AFF2: variants seen among roughly 807,000 people sequenced by gnomAD.
AFF2 encodes AF4/FMR2 family member 2.
A neutral mutation model predicts 76.9 loss-of-function variants in AFF2; 14 were observed. That is an observed-to-expected ratio of 0.18 (90% confidence interval 0.12 to 0.28). The LOEUF (loss-of-function observed/expected upper bound fraction) is 0.28. Ranked by LOEUF, AFF2 falls within the 10% of genes least tolerant of loss-of-function variation. The pLI, the probability that AFF2 is intolerant of heterozygous loss-of-function variation, is 1.00. For synonymous variants in AFF2, 398 were observed against 366.7 expected, an observed-to-expected ratio of 1.09 and a Z score of -0.98; for missense variants, 868 against 1,001.1, an observed-to-expected ratio of 0.87 and a Z score of 1.79.
intron 1 of AFF2, among the ~76,000 whole-genome samples, chrX:148,553,650 A>G (rs1557239272): frequency 9.0e-6 from 1 of 111,729 alleles, no homozygotes; most frequent in East Asian, 2.8e-4. Context: ...CCCTGTGGTC[A>G]GAAGGCAGAC....
intron 1 of AFF2, among the ~76,000 whole-genome samples, chrX:148,622,795 A>G (rs782015151): frequency 8.9e-6 from 1 of 111,858 alleles, no homozygotes; most frequent in Admixed American, 9.5e-5. Context: ...TTTCTGGCAT[A>G]GGCTGTTTGC....
chrX:148,531,270 T>G (rs188663154), intron 1 of AFF2, among the ~76,000 whole-genome samples: 1 of 111,803 alleles, frequency 8.9e-6, no homozygotes, highest in East Asian at 2.8e-4. Context: ...CAATGAAATT[T>G]AGTACTGATC....
rs146429012 is a variant in AFF2 at position 148,652,627 on chromosome X, T to C, written c.180+496T>C. 2.5e-4 allele frequency among the ~76,000 whole-genome samples: 28 copies of C among 111,991 alleles called. No individual in the cohort carries two copies. The East Asian group carries it at 7.9e-3, about 32-fold the overall frequency. ...TTCTAGAATAAAGGAAAAAAGCCAATCATTTTTCCTGGTGGTTAATAATCA... is the reference window on the plus strand; with the variant it reads ...TTCTAGAATAAAGGAAAAAAGCCAACCATTTTTCCTGGTGGTTAATAATCA... On this transcript the variant is annotated intron_variant, in intron 2 of 20. Coordinates refer to ENST00000370460, the MANE Select transcript of AFF2 (RefSeq NM_002025.4).
chrX:148,565,812 C>T (rs1411824291), intron 1 of AFF2, among the ~76,000 whole-genome samples: 1 of 110,852 alleles, frequency 9.0e-6, no homozygotes, highest in Non-Finnish European at 1.9e-5. Context: ...TATTTCTATT[C>T]TTCCTTCCTT....
At chrX:148,800,393 A>G (rs2070041075) in intron 3 of AFF2, among the ~76,000 whole-genome samples, 1 of 112,226 alleles carries the variant, frequency 8.9e-6, no homozygotes, top group Non-Finnish European at 1.9e-5. Context: ...GGTACGATTT[A>G]TAAAGTCTAT....
intron 15 of AFF2, among the ~76,000 whole-genome samples, chrX:148,969,547 A>G (rs905074127): frequency 8.0e-5 from 9 of 112,159 alleles, no homozygotes; most frequent in Non-Finnish European, 1.5e-4. Context: ...TCATCTCTAG[A>G]TCACTTATAA....
chrX:148,707,496 T>TA (rs1246321132), intron 3 of AFF2, among the ~76,000 whole-genome samples: 6 of 109,396 alleles, frequency 5.5e-5, no homozygotes, highest in Middle Eastern at 9.4e-3. Context: ...AATATATATA[T>TA]TTTTTTTCCT....
chrX:148,662,546 G>T lies in AFF2; in HGVS notation c.819G>T (p.Gly273=). 8.3e-7 allele frequency: 1 copy of T among 1,211,635 alleles called. No individual in the cohort carries two copies. Among genetic ancestry groups the T allele is most frequent in the South Asian group, 1.8e-5 (1 of 56,971 alleles). Residue 273 remains glycine (G), a synonymous_variant, in exon 3 of 21, where the codon GGG becomes GGT. Transcript: ENST00000370460. Reference sequence around the variant, plus strand: ...TTTCAGTTCAAAACTTCCCACCAGGGCTTTACTGCAAAACAAGCATGGGGC... The same window carrying T: ...TTTCAGTTCAAAACTTCCCACCAGGTCTTTACTGCAAAACAAGCATGGGGC... The part of the protein sequence containing the change: ...SGLSVQNFPP[G]LYCKTSMGQQ...
At chrX:148,602,820 A>G (rs1049761893) in intron 1 of AFF2, among the ~76,000 whole-genome samples, 6 of 46,236 alleles carry the variant, frequency 1.3e-4, no homozygotes, top group African/African-American at 4.8e-4. Flanking sequence ...AGCCACTTCA[A>G]AAGTTTTTTT....
At position 148,956,091 on chromosome X, in the gene AFF2, A is replaced by C; in HGVS notation, c.2046A>C (p.Lys682Asn). The C allele has an allele frequency of 8.3e-7, 1 of 1,211,142 alleles. No individual in the cohort carries two copies. Residue 682 changes from lysine to asparagine, a missense_variant, in exon 11 of 21, where the codon AAA becomes AAC. Lys to Asn is a moderately conservative substitution (Grantham distance 94, BLOSUM62 0). Coordinates refer to ENST00000370460, the MANE Select transcript of AFF2 (RefSeq NM_002025.4). Reference protein sequence around the residue: ...KATAHKPAPRKEPRPNIPLAP... With the variant: ...KATAHKPAPRNEPRPNIPLAP... ...CTGCCCACAAACCAGCCCCTAGGAA[A>C]GAACCAAGACCTAACATCCCTTTGG... is the stretch of plus-strand genomic sequence containing the variant.
At chrX:148,698,631 G>A (rs1557261537) in intron 3 of AFF2, among the ~76,000 whole-genome samples, 1 of 112,072 alleles carries the variant, frequency 8.9e-6, no homozygotes, top group African/African-American at 3.2e-5. Flanking sequence ...TATATGGTTT[G>A]CATAAACAAA....
chrX:148,598,818 A>C (rs1406414949), intron 1 of AFF2, among the ~76,000 whole-genome samples: 1 of 112,423 alleles, frequency 8.9e-6, no homozygotes, highest in Admixed American at 9.4e-5. Flanking sequence ...ATCCCTTGTA[A>C]ACTTTAATGA....
intron 3 of AFF2, among the ~76,000 whole-genome samples, chrX:148,769,695 G>T (rs781999686): frequency 9.0e-6 from 1 of 110,498 alleles, no homozygotes; most frequent in Non-Finnish European, 1.9e-5. Flanking sequence ...AGCCAGAGCC[G>T]CTGGAGTAGT....
chrX:148,912,819 A>T (rs1470065910), intron 9 of AFF2, among the ~76,000 whole-genome samples: 1 of 111,282 alleles, frequency 9.0e-6, no homozygotes, highest in African/African-American at 3.3e-5. Context: ...CCACCGAGTG[A>T]GATACATGAA....
intron 7 of AFF2, among the ~76,000 whole-genome samples, chrX:148,873,897 A>G (rs1021090324): frequency 5.4e-5 from 6 of 111,815 alleles, no homozygotes; most frequent in African/African-American, 1.6e-4. Context: ...GAGGGACTAC[A>G]TTTTTATTCT....
chrX:148,958,127 T>C lies in AFF2; in HGVS notation c.2569-210T>C, dbSNP rs181433132. 2.3e-3 allele frequency among the ~76,000 whole-genome samples: 255 copies of C among 112,108 alleles called. 3 individuals carry two copies. Among genetic ancestry groups the C allele is most frequent in the Admixed American group, 0.013 (141 of 10,527 alleles). On this transcript the variant is annotated intron_variant, in intron 11 of 20. Coordinates refer to ENST00000370460, the MANE Select transcript of AFF2 (RefSeq NM_002025.4). Reference sequence around the variant, plus strand: ...AGAGGTTCAGATCACACAGTTGTACTCTCTCAAATGCCAACTTCTTTGTAG... The same window carrying C: ...AGAGGTTCAGATCACACAGTTGTACCCTCTCAAATGCCAACTTCTTTGTAG...
Position 148,921,847 on chromosome X carries a change from T to C in AFF2, c.1397+17589T>C, listed in dbSNP as rs1425146997. 3.6e-5 allele frequency among the ~76,000 whole-genome samples: 4 copies of C among 112,523 alleles called. No homozygotes were observed. The East Asian group carries it at 1.1e-3, about 31-fold the overall frequency. On this transcript the variant is annotated intron_variant, in intron 9 of 20. Transcript: ENST00000370460. ...AAGTATGAATGGTGTTCTTCAATTC[T>C]GTAAACTATTCGTCCTACTTGCAAA... is the stretch of plus-strand genomic sequence containing the variant.
intron 3 of AFF2, among the ~76,000 whole-genome samples, chrX:148,784,480 T>C (rs1219051073): frequency 8.9e-6 from 1 of 111,910 alleles, no homozygotes; most frequent in African/African-American, 3.2e-5. Context: ...GTGTACAGGC[T>C]GGCAGCATTA....
chrX:148,740,329 A>C (rs1434296652), intron 3 of AFF2, among the ~76,000 whole-genome samples: 4 of 111,578 alleles, frequency 3.6e-5, no homozygotes, highest in African/African-American at 1.3e-4. Flanking sequence ...GACTTCTTGG[A>C]GGCTTTGTTC....
Sources: gnomAD v4.1 joint callset for allele counts (sites outside exome capture counted in the v4.1 genomes callset) on GRCh38, gnomAD v4.1.1 for gene constraint, MANE v1.5 for transcripts, NCBI Gene and HGNC (gene_info 2026-07-23, HGNC 2026-07-21) for gene names.